The following LRRC7 variants were observed in gnomAD, a reference collection of about 807,000 sequenced individuals.
LRRC7 encodes leucine rich repeat containing 7.
LRRC7 carries 23 observed loss-of-function variants against 175.7 expected under a neutral mutation model. The observed-to-expected ratio is 0.13, with a 90% CI of 0.09 to 0.19. The LOEUF (loss-of-function observed/expected upper bound fraction) is 0.19, where lower values mean the gene tolerates loss of function less well. Ranked by LOEUF, LRRC7 falls within the 10% of genes least tolerant of loss-of-function variation. The pLI, the probability that LRRC7 is intolerant of heterozygous loss-of-function variation, is 1.00. For synonymous variants in LRRC7, 685 were observed against 680.9 expected, an observed-to-expected ratio of 1.01 and a Z score of -0.09; for missense variants, 1,354 against 1,904.7, an observed-to-expected ratio of 0.71 and a Z score of 5.38.
At chr1:70,121,577 G>T (rs543714394) in intron 26 of LRRC7, among the ~76,000 whole-genome samples, 1 of 152,016 alleles carries the variant, frequency 6.6e-6, no homozygotes, top group South Asian at 2.1e-4. Flanking sequence ...AGACATAATC[G>T]GTACTTAATA....
intron 1 of LRRC7, among the ~76,000 whole-genome samples, chr1:69,659,910 G>C (rs1349779193): frequency 6.6e-6 from 1 of 151,282 alleles, no homozygotes; most frequent in Non-Finnish European, 1.5e-5. Flanking sequence ...GAGAAGAAAA[G>C]CAAAATGCAA....
At chr1:69,665,872 T>TG (rs2100551963) in intron 1 of LRRC7, among the ~76,000 whole-genome samples, 1 of 152,208 alleles carries the variant, frequency 6.6e-6, no homozygotes, top group East Asian at 1.9e-4. Flanking sequence ...TGAAAAACAG[T>TG]GGGGAAAGTG....
At chr1:69,780,592 T>A (rs1050667876) in intron 3 of LRRC7, among the ~76,000 whole-genome samples, 1 of 152,206 alleles carries the variant, frequency 6.6e-6, no homozygotes, top group African/African-American at 2.4e-5. Flanking sequence ...TCACCAAGTA[T>A]GTATATAAAA....
chr1:69,856,243 G>T (rs1046912619), intron 7 of LRRC7, among the ~76,000 whole-genome samples: 1 of 151,942 alleles, frequency 6.6e-6, no homozygotes, highest in Non-Finnish European at 1.5e-5. Context: ...GCTAGCAGAA[G>T]GTAAGAAATA....
intron 2 of LRRC7, among the ~76,000 whole-genome samples, chr1:69,697,960 T>C (rs28495524): frequency 0.019 from 2,833 of 152,226 alleles, 90 homozygotes; most frequent in African/African-American, 0.063. Flanking sequence ...AGAAGAAAGA[T>C]AGGGGAAGTG....
intron 4 of LRRC7, among the ~76,000 whole-genome samples, chr1:69,799,345 C>T (rs1054772310): frequency 2.6e-5 from 4 of 152,000 alleles, no homozygotes; most frequent in African/African-American, 9.7e-5. Context: ...ATTTCTCATC[C>T]TTTTCCCCAC....
rs556543907 is a variant in LRRC7 at position 69,938,062 on chromosome 1, T to A, written c.711+6492T>A. ...AAATATGATTTTAAAAACAAAACATTGAAATGATAGCAGCAAAAATATTTA... is the reference window on the plus strand; with the variant it reads ...AAATATGATTTTAAAAACAAAACATAGAAATGATAGCAGCAAAAATATTTA... On this transcript the variant is annotated intron_variant, in intron 8 of 26. Transcript: ENST00000651989. Among the ~76,000 whole-genome samples, 9 of 152,028 alleles carry A rather than the reference T, an allele frequency of 5.9e-5. No individual in the cohort carries two copies. The South Asian group carries it at 1.9e-3, about 32-fold the overall frequency.
At chr1:69,580,757 A>T (rs1646165960) in intron 1 of LRRC7, among the ~76,000 whole-genome samples, 2 of 152,156 alleles carry the variant, frequency 1.3e-5, no homozygotes, top group African/African-American at 4.8e-5. Flanking sequence ...GGTCTCTGGG[A>T]GTTTACAGTC....
intron 7 of LRRC7, chr1:69,919,709 G>A (rs1420660368): frequency 2.0e-6 from 2 of 1,005,892 alleles, no homozygotes; most frequent in Admixed American, 3.7e-5. Context: ...GGCCAGGGGA[G>A]ACCTGGGTGC....
chr1:69,852,436 T>C (rs943697294), intron 7 of LRRC7, among the ~76,000 whole-genome samples: 1 of 152,180 alleles, frequency 6.6e-6, no homozygotes, highest in Non-Finnish European at 1.5e-5. Context: ...AGCTCTGTGA[T>C]ATTTTCTTAT....
At chr1:69,883,633 TC>T (rs1428165625) in intron 7 of LRRC7, among the ~76,000 whole-genome samples, 1 of 99,958 alleles carries the variant, frequency 1.0e-5, no homozygotes, top group Non-Finnish European at 2.1e-5. Flanking sequence ...ATCCCATTTG[TC>T]AATTTTGTCT....
At chr1:69,962,645 C>T (rs1444178894) in intron 8 of LRRC7, among the ~76,000 whole-genome samples, 1 of 152,078 alleles carries the variant, frequency 6.6e-6, no homozygotes, top group Non-Finnish European at 1.5e-5. Flanking sequence ...ACTATGCAGC[C>T]ATAAAAAAGA....
chr1:70,139,039 A>G lies in LRRC7; in HGVS notation c.*17152A>G, dbSNP rs766850783. 1 of 152,174 alleles carries G rather than the reference A, an allele frequency of 6.6e-6. No homozygotes were observed. Among genetic ancestry groups the G allele is most frequent in the South Asian group, 2.1e-4 (1 of 4,834 alleles). The allele number at this position is 152,174 out of a possible 1,614,324, so 9.4% of individuals were successfully genotyped here. On this transcript the variant is annotated 3_prime_UTR_variant, in exon 27 of 27. Transcript: ENST00000651989. Reference sequence around the variant, plus strand: ...AAAAGCAATGCTTTATGTAGCTTCAATTAGTCCTGCATCAGGTTATTCTAA... The same window carrying G: ...AAAAGCAATGCTTTATGTAGCTTCAGTTAGTCCTGCATCAGGTTATTCTAA...
chr1:69,662,263 A>C (rs538577161), intron 1 of LRRC7, among the ~76,000 whole-genome samples: 4 of 116,448 alleles, frequency 3.4e-5, no homozygotes, highest in African/African-American at 1.1e-4. Context: ...CCATTCATTC[A>C]ATCATTTAAA....
At chr1:70,057,000 T>TG (rs142613992) in intron 23 of LRRC7, among the ~76,000 whole-genome samples, 3,905 of 151,740 alleles carry the variant, frequency 0.026, 193 homozygotes, top group African/African-American at 0.09. Context: ...GCTTAAATGT[T>TG]GGGGGGGGAA....
At chr1:69,797,209 G>C (rs1055759058) in intron 4 of LRRC7, among the ~76,000 whole-genome samples, 1 of 152,146 alleles carries the variant, frequency 6.6e-6, no homozygotes, top group Non-Finnish European at 1.5e-5. Flanking sequence ...TGCTGGAAAA[G>C]ATAGAAATGA....
At chr1:69,616,384 T>TA (rs1177143367) in intron 1 of LRRC7, among the ~76,000 whole-genome samples, 2 of 152,046 alleles carry the variant, frequency 1.3e-5, no homozygotes, top group East Asian at 3.9e-4. Flanking sequence ...CATAAATCCA[T>TA]AATAGTACCC....
intron 4 of LRRC7, among the ~76,000 whole-genome samples, chr1:69,802,281 T>C (rs1006973296): frequency 1.3e-5 from 2 of 151,716 alleles, no homozygotes; most frequent in African/African-American, 4.8e-5. Context: ...TTGTTGATTT[T>C]CTATTTTCAA....
chr1:70,112,295 G>A (rs906637681), intron 26 of LRRC7, among the ~76,000 whole-genome samples: 9 of 151,972 alleles, frequency 5.9e-5, no homozygotes, highest in African/African-American at 2.2e-4. Context: ...TCTTCTCTTG[G>A]CCAAAATCAT....
Sources: gnomAD v4.1 joint callset for allele counts (sites outside exome capture counted in the v4.1 genomes callset) on GRCh38, gnomAD v4.1.1 for gene constraint, MANE v1.5 for transcripts, NCBI Gene and HGNC (gene_info 2026-07-23, HGNC 2026-07-21) for gene names.